EEF2K: variants seen among roughly 807,000 people sequenced by gnomAD.
EEF2K encodes alternative protein EEF2K.
EEF2K carries 70 observed loss-of-function variants against 93.8 expected under a neutral mutation model. The ratio of observed to expected loss-of-function variants is 0.75; its 90% CI spans 0.62 to 0.91. EEF2K has a LOEUF of 0.91. Ranked by LOEUF, EEF2K falls within the 40% of genes least tolerant of loss-of-function variation. EEF2K has a pLI of 0.00. For missense variants in EEF2K, 935 were observed against 972.9 expected (o/e 0.96, Z 0.52); for synonymous variants, 376 against 380.8 (o/e 0.99, Z 0.15).
intron 16 of EEF2K, among the ~76,000 whole-genome samples, chr16:22,275,342 T>A (rs1466883467): frequency 6.6e-6 from 1 of 151,442 alleles, no homozygotes; most frequent in Non-Finnish European, 1.5e-5. Flanking sequence ...TATTATTATT[T>A]ATTTATTTAT....
intron 1 of EEF2K, among the ~76,000 whole-genome samples, chr16:22,223,269 T>G (rs995473492): frequency 1.8e-4 from 27 of 151,274 alleles, no homozygotes; most frequent in Non-Finnish European, 3.1e-4. Context: ...TCTGTTTTTT[T>G]TTTTTTTTTT....
rs1255200928 is a variant in EEF2K at position 22,286,649 on chromosome 16, G to A, written c.*2653G>A. ...TTTACACAAACGGGTGGCCCTTTTG[G>A]GCTGTAGTTTGTCAACCCTTGCTCT... On this transcript the variant is annotated 3_prime_UTR_variant, in exon 18 of 18. Coordinates refer to ENST00000263026, the MANE Select transcript of EEF2K (RefSeq NM_013302.5). 1 of 152,188 alleles carries A rather than the reference G, an allele frequency of 6.6e-6. No individual in the cohort carries two copies. The highest frequency in any genetic ancestry group is 2.4e-5 in the African/African-American group (1 of 41,460). 9.4% of individuals were successfully genotyped at this position (152,188 alleles called of 1,614,324 possible). A position where few individuals can be genotyped will look rare whatever the true frequency, so the allele number is the denominator to read the frequency against.
In EEF2K at chr16:22,280,325, G is replaced by A. The variant is rs531682732; in HGVS notation, c.2017G>A (p.Glu673Lys). The change falls in exon 17 of 18, where the codon GAG (glutamate) becomes AAG (lysine). Residue 673 changes from glutamate to lysine, a missense_variant. Coordinates refer to ENST00000263026, the MANE Select transcript of EEF2K (RefSeq NM_013302.5). ...PRYMMLAREA[E>K]MLFTGGYGLE... ...GTACATGATGCTGGCCAGGGAGGCC[G>A]AGATGCTGTTCACAGGAGGCTACGG... 58 of 1,605,994 alleles carry A rather than the reference G, an allele frequency of 3.6e-5. 1 individual carries two copies. Among genetic ancestry groups the A allele is most frequent in the South Asian group, 2.9e-4 (26 of 89,558 alleles).
At chr16:22,237,206 A>G (rs2047176996) in intron 2 of EEF2K, among the ~76,000 whole-genome samples, 1 of 151,218 alleles carries the variant, frequency 6.6e-6, no homozygotes, top group African/African-American at 2.4e-5. Flanking sequence ...CGGCCTCCCA[A>G]AGTGCTAGGA....
Position 22,263,094 on chromosome 16 carries a change from C to T in EEF2K, c.1300-16C>T, listed in dbSNP as rs546923044. The T allele has an allele frequency of 9.3e-6, 15 of 1,608,836 alleles. No individual in the cohort carries two copies. The highest frequency in any genetic ancestry group is 8.5e-5 in the Admixed American group (5 of 59,074). ...CAGGGGACCACCAGGACCCTAAGGCCGTCTTCTCTCCACAGGAGTCTGAGA... is the reference window on the plus strand; with the variant it reads ...CAGGGGACCACCAGGACCCTAAGGCTGTCTTCTCTCCACAGGAGTCTGAGA... On this transcript the variant is annotated splice_polypyrimidine_tract_variant and intron_variant, in intron 11 of 17. Coordinates refer to ENST00000263026, the MANE Select transcript of EEF2K (RefSeq NM_013302.5).
chr16:22,272,668 C>CTT lies in EEF2K; in HGVS notation c.1765-944_1765-943dup, dbSNP rs34054772. Reference sequence around the variant, plus strand: ...ATATACTAAAAACTACGGATGTGTACTTTTTTTTTTTTTTTGAGACGGTGT... The same window carrying CTT: ...ATATACTAAAAACTACGGATGTGTACTTTTTTTTTTTTTTTTTGAGACGGTGT... On this transcript the variant is annotated intron_variant, in intron 15 of 17. Coordinates refer to ENST00000263026, the MANE Select transcript of EEF2K (RefSeq NM_013302.5). Among the ~76,000 whole-genome samples, 9 of 143,096 alleles carry CTT rather than the reference C, an allele frequency of 6.3e-5. No individual in the cohort carries two copies. The East Asian group carries it at 1.0e-3, about 16-fold the overall frequency. 93.9% of individuals were successfully genotyped at this position (143,096 alleles called of 152,430 possible).
Position 22,258,484 on chromosome 16 carries a change from A to G in EEF2K, c.1030-10A>G, listed in dbSNP as rs146119676. On this transcript the variant is annotated splice_polypyrimidine_tract_variant and intron_variant, in intron 9 of 17. Coordinates refer to ENST00000263026, the MANE Select transcript of EEF2K (RefSeq NM_013302.5). ...GTGCGTGACATGAGTATCCCTATTA[A>G]TGTCCCTAGCAATCAGCCAAGACCA... The G allele has an allele frequency of 3.5e-5, 56 of 1,613,794 alleles. No individual in the cohort carries two copies. The East Asian group carries it at 1.2e-3, about 35-fold the overall frequency.
intron 16 of EEF2K, among the ~76,000 whole-genome samples, 183 bp from the exon 17 acceptor site, chr16:22,280,015 A>ACT (rs2047676831): frequency 8.5e-6 from 1 of 118,032 alleles, no homozygotes; most frequent in African/African-American, 5.5e-5. Context: ...TGAATGAATG[A>ACT]GTGAATGAAT....
At chr16:22,283,844 A>G in intron 17 of EEF2K, 43 bp from the exon 18 acceptor site, 1 of 1,546,480 alleles carries the variant, frequency 6.5e-7, no homozygotes, top group Non-Finnish European at 8.8e-7. Context: ...GGCAAAAACA[A>G]CAGGTGGTTC....
rs1416888373 is a variant in EEF2K, at chr16:22,280,328, A to T, written c.2020A>T (p.Met674Leu). 1 of 1,605,580 alleles carries T rather than the reference A, an allele frequency of 6.2e-7. No homozygotes were observed. The highest frequency in any genetic ancestry group is 8.5e-7 in the Non-Finnish European group (1 of 1,175,942). The stretch of plus-strand genomic sequence containing the variant: ...CATGATGCTGGCCAGGGAGGCCGAG[A>T]TGCTGTTCACAGGAGGCTACGGGCT... ...RYMMLAREAE[M>L]LFTGGYGLEK... The change falls in exon 17 of 18, where the codon ATG (methionine) becomes TTG (leucine). Residue 674 changes from methionine (M) to leucine (L), a missense_variant. Coordinates refer to ENST00000263026, the MANE Select transcript of EEF2K (RefSeq NM_013302.5).
Position 22,273,640 on chromosome 16 carries a change from C to A in EEF2K, c.1779C>A (p.Asn593Lys). Residue 593 changes from asparagine to lysine, a missense_variant, in exon 16 of 18, where the codon AAC (asparagine) becomes AAA (lysine). By Grantham distance (94) the Asn-to-Lys change is moderately conservative. Transcript: ENST00000263026. The stretch of plus-strand genomic sequence containing the variant: ...TGTATCAACAGGAGACAGAAGAGAA[C>A]AAAACCAAAGGATTTGATTACTTAC... The part of the protein sequence containing the change: ...ADVSLKETEE[N>K]KTKGFDYLLK... The A allele has an allele frequency of 6.2e-7, 1 of 1,614,140 alleles. No individual in the cohort carries two copies. The highest frequency in any genetic ancestry group is 8.5e-7 in the Non-Finnish European group (1 of 1,180,018).
chr16:22,273,481 A>C (rs1053505714), intron 15 of EEF2K, 145 bp from the exon 16 acceptor site: 1 of 1,192,762 alleles, frequency 8.4e-7, no homozygotes, highest in African/African-American at 1.5e-5. Flanking sequence ...CTCTGGAGTC[A>C]AGTGCCCCCT....
chr16:22,238,649 CAAAAAAAAAGAAAAAAGGAAAAAAAAAA>C (rs1323897703), intron 2 of EEF2K, among the ~76,000 whole-genome samples: 1 of 75,644 alleles, frequency 1.3e-5, no homozygotes, highest in Non-Finnish European at 2.6e-5. Flanking sequence ...TACCTGGTCT[CAAAAAAAAAGAAAAAAGGAAAAAAAAAA>C]AAAAAAAAAG....
At chr16:22,262,371 G>A (rs1354607097) in intron 11 of EEF2K, among the ~76,000 whole-genome samples, 6 of 152,142 alleles carry the variant, frequency 3.9e-5, no homozygotes, top group South Asian at 4.2e-4. Context: ...TTAGCCAGGC[G>A]TGGTGGCAGG....
At chr16:22,251,056 A>G in intron 5 of EEF2K, 95 bp from the exon 6 acceptor site, 6 of 1,472,716 alleles carry the variant, frequency 4.1e-6, no homozygotes, top group Non-Finnish European at 1.8e-6. Flanking sequence ...CCACCCAGCC[A>G]CATCAGACAG....
At chr16:22,245,186 T>G (rs889833080) in intron 3 of EEF2K, among the ~76,000 whole-genome samples, 8 of 152,150 alleles carry the variant, frequency 5.3e-5, no homozygotes, top group African/African-American at 1.9e-4. Flanking sequence ...GAGAATCGCT[T>G]GAACTCAGGA....
chr16:22,251,193 C>CTACTACGCCTCCAACTACGTG lies in EEF2K; in HGVS notation c.489_490insTACTACGCCTCCAACTACGTG (p.Gly163_Ala164insTyrTyrAlaSerAsnTyrVal), dbSNP rs1567276644. On this transcript the variant is annotated inframe_insertion, in exon 6 of 18. Transcript: ENST00000263026. ...TCTTGCATGCCCAGCAGTGGAAGGG[C>CTACTACGCCTCCAACTACGTG]GCCTCCAACTACGTGGCGAAGCGCT... is the stretch of plus-strand genomic sequence containing the variant. 1 of 1,613,704 alleles carries CTACTACGCCTCCAACTACGTG rather than the reference C, an allele frequency of 6.2e-7. No homozygotes were observed.
At chr16:22,231,292 T>C (rs188362156) in intron 2 of EEF2K, among the ~76,000 whole-genome samples, 7 of 152,086 alleles carry the variant, frequency 4.6e-5, no homozygotes, top group African/African-American at 1.4e-4. Context: ...ATTTTTTGTA[T>C]ATTTAGTAGA....
chr16:22,283,745 C>A, intron 17 of EEF2K, 142 bp from the exon 18 acceptor site: 1 of 770,266 alleles, frequency 1.3e-6, no homozygotes. Context: ...GCCCGGAACA[C>A]CTGGAGGGAG....
Sources: gnomAD v4.1 joint callset for allele counts (sites outside exome capture counted in the v4.1 genomes callset) on GRCh38, gnomAD v4.1.1 for gene constraint, MANE v1.5 for transcripts, NCBI Gene and HGNC (gene_info 2026-07-23, HGNC 2026-07-21) for gene names.